COL2A1: variants seen among roughly 807,000 people sequenced by gnomAD.
COL2A1 encodes collagen alpha-1(II) chain.
COL2A1 carries 28 observed loss-of-function variants against 204.5 expected under a neutral mutation model. That is an observed-to-expected ratio of 0.14 (90% CI 0.10 to 0.19). The LOEUF (loss-of-function observed/expected upper bound fraction) is 0.19. COL2A1 is among the 10% of genes least tolerant of loss of function. The probability of loss-of-function intolerance (pLI) is 1.00; values close to 1 mark genes in which losing one functional copy is unlikely to be tolerated. For missense variants in COL2A1, 1,388 were observed against 2,027.5 expected, an observed-to-expected ratio of 0.68 and a Z score of 6.06; for synonymous variants, 708 against 718.7, an observed-to-expected ratio of 0.99 and a Z score of 0.24.
At chr12:47,984,755 G>T (rs1053680047) in intron 27 of COL2A1, among the ~76,000 whole-genome samples, 156 bp from the exon 28 acceptor site, 1 of 152,206 alleles carries the variant, frequency 6.6e-6, no homozygotes, top group African/African-American at 2.4e-5. Flanking sequence ...GGGCCATAAT[G>T]GCAACCAGCC....
Position 47,977,526 on chromosome 12 carries a change from AC to A in COL2A1, c.3165+73del. 6.2e-6 allele frequency: 10 copies of A among 1,600,100 alleles called. No individual in the cohort carries two copies. In the South Asian group the frequency reaches 1.1e-4, roughly 18 times the overall value. The stretch of plus-strand genomic sequence containing the variant: ...GAGATGAGACTTGTTCCAACCTGCC[AC>A]CCCCAGCTGACCTGTCAGGCCCGAG... On this transcript the variant is annotated intron_variant, in intron 45 of 53. Transcript: ENST00000380518.
intron 26 of COL2A1, 79 bp from the exon 27 acceptor site, chr12:47,985,172 T>C (rs780875581): frequency 1.7e-6 from 2 of 1,169,264 alleles, no homozygotes; most frequent in Non-Finnish European, 1.3e-6. Flanking sequence ...AGGGCCTACA[T>C]GGCAGGCCCA....
rs1241940269 is a variant in COL2A1 at position 47,975,516 on chromosome 12, T to A, written c.3687A>T (p.Arg1229Ser). 1.8e-5 allele frequency: 29 copies of A among 1,610,510 alleles called. No homozygotes were observed. Among genetic ancestry groups the A allele is most frequent in the Non-Finnish European group, 2.3e-5 (27 of 1,179,958 alleles). Reference sequence around the variant, plus strand: ...ACTGCAGGGGGTCGGGGCCCTTCTCTCTCGGGCCTAAGCCAGCAAAGGCGG... The same window carrying A: ...ACTGCAGGGGGTCGGGGCCCTTCTCACTCGGGCCTAAGCCAGCAAAGGCGG... The part of the protein sequence containing the change: ...DMSAFAGLGP[R>S]EKGPDPLQYM... The change falls in exon 51 of 54, where the codon AGA becomes AGT. Residue 1229 changes from arginine (R) to serine (S), a missense_variant. Physicochemically the swap from Arg to Ser is moderately radical, Grantham distance 110. Transcript: ENST00000380518.
chr12:48,004,516 C>A, upstream of COL2A1: 1 of 518,950 alleles, frequency 1.9e-6, no homozygotes, highest in South Asian at 2.4e-5. Flanking sequence ...TGCGCCCGGC[C>A]CCTTTCGAGG....
intron 37 of COL2A1, 86 bp downstream of exon 37, chr12:47,981,257 G>A: frequency 7.0e-7 from 1 of 1,427,598 alleles, no homozygotes. Flanking sequence ...GGGCCACCAG[G>A]CAGCATGAGG....
intron 16 of COL2A1, among the ~76,000 whole-genome samples, chr12:47,991,064 G>A (rs1939677939): frequency 6.6e-6 from 1 of 152,218 alleles, no homozygotes; most frequent in South Asian, 2.1e-4. Context: ...GCATTTAAGA[G>A]GAAAGCAAGA....
chr12:47,981,535 C>A, intron 36 of COL2A1, 139 bp from the exon 37 acceptor site: 1 of 897,630 alleles, frequency 1.1e-6, no homozygotes, highest in Non-Finnish European at 1.8e-6. Context: ...TACTGTGCAG[C>A]CCATACCCGC....
intron 11 of COL2A1, among the ~76,000 whole-genome samples, 189 bp from the exon 12 acceptor site, chr12:47,994,666 T>G (rs1032819996): frequency 6.6e-6 from 1 of 152,232 alleles, no homozygotes; most frequent in Admixed American, 6.5e-5. Context: ...TTTGGACACA[T>G]GCATAGCCCA....
At chr12:47,998,099 A>G (rs1424088043) in intron 4 of COL2A1, 35 bp from the exon 5 acceptor site, 1 of 1,614,210 alleles carries the variant, frequency 6.2e-7, no homozygotes, top group Non-Finnish European at 8.5e-7. Flanking sequence ...GGTAAGTTAG[A>G]GGAGAGCACA....
At position 47,973,384 on chromosome 12, in the gene COL2A1, G is replaced by T. The variant is rs1938529971; in HGVS notation, c.*23C>A. On this transcript the variant is annotated 3_prime_UTR_variant, in exon 54 of 54. Transcript: ENST00000380518. ...GGGTCCTTTGGGTTTGCAACGGATT[G>T]TGTTGTTTCTGGGTTCAGGTTTTTA... 1.9e-6 allele frequency: 3 copies of T among 1,614,136 alleles called. No individual in the cohort carries two copies. Among genetic ancestry groups the T allele is most frequent in the Non-Finnish European group, 2.5e-6 (3 of 1,180,024 alleles).
intron 18 of COL2A1, chr12:47,988,560 T>TC (rs1272024870): frequency 3.2e-5 from 5 of 157,732 alleles, no homozygotes; most frequent in Admixed American, 2.4e-4. Context: ...TTCACCCGGC[T>TC]CCGGGACCTC....
intron 29 of COL2A1, 78 bp from the exon 30 acceptor site, chr12:47,983,814 G>T: frequency 6.9e-7 from 1 of 1,456,160 alleles, no homozygotes; most frequent in South Asian, 1.2e-5. Context: ...GCCCAGGGGA[G>T]GTCAGCAGGG....
intron 50 of COL2A1, 89 bp from the exon 51 acceptor site, chr12:47,975,694 CCTCTTCCCA>C: frequency 7.0e-7 from 1 of 1,437,288 alleles, no homozygotes; most frequent in Non-Finnish European, 9.5e-7. Context: ...CTAGAGTGTC[CCTCTTCCCA>C]GCCCCATGGG....
Position 47,997,634 on chromosome 12 carries a change from C to A in COL2A1, c.503G>T (p.Gly168Val). 6.2e-7 allele frequency: 1 copy of A among 1,613,678 alleles called. No individual in the cohort carries two copies. Among genetic ancestry groups the A allele is most frequent in the Non-Finnish European group, 8.5e-7 (1 of 1,179,834 alleles). Residue 168 changes from glycine to valine, a missense_variant, in exon 7 of 54, where the codon GGC (glycine) becomes GTC (valine). Transcript: ENST00000380518. ...ACCAAGACCAGGGGGACCAGGGGGG[C>A]CGGGAGGACCAGGGGGGCCAGGATT... ...PGNPGPPGPPGPPGPPGLGGN... is the reference protein window; with the variant it reads ...PGNPGPPGPPVPPGPPGLGGN...
chr12:47,992,916 G>A lies in COL2A1; in HGVS notation c.985C>T (p.Pro329Ser). The change falls in exon 16 of 54, where the codon CCT becomes TCT. Residue 329 changes from proline (P) to serine (S), a missense_variant. Pro to Ser is a moderately conservative substitution (Grantham distance 74). Coordinates refer to ENST00000380518, the MANE Select transcript of COL2A1 (RefSeq NM_001844.5). ...GGGCCAGTCCGTCCTCTTTCACCAG[G>A]CAGGCCACGAGGACCCTGGAACACA... ...SPGPMGPRGL[P>S]GERGRTGPAG... 1.2e-6 allele frequency: 2 copies of A among 1,614,184 alleles called. No individual in the cohort carries two copies. Among genetic ancestry groups the A allele is most frequent in the Middle Eastern group, 3.3e-4 (2 of 6,062 alleles).
chr12:47,981,249 G>T, intron 37 of COL2A1, 94 bp downstream of exon 37: 1 of 1,380,264 alleles, frequency 7.2e-7, no homozygotes, highest in Non-Finnish European at 1.0e-6. Flanking sequence ...AGCACACAGG[G>T]CCACCAGGCA....
chr12:47,997,637 G>A lies in COL2A1; in HGVS notation c.500C>T (p.Pro167Leu). The part of the protein sequence containing the change: ...TPGNPGPPGP[P>L]GPPGPPGLGG... The stretch of plus-strand genomic sequence containing the variant: ...AAGACCAGGGGGACCAGGGGGGCCG[G>A]GAGGACCAGGGGGGCCAGGATTTCC... The change falls in exon 7 of 54, where the codon CCC (proline) becomes CTC (leucine). Residue 167 changes from proline to leucine, a missense_variant. Transcript: ENST00000380518. The A allele has an allele frequency of 6.2e-7, 1 of 1,613,676 alleles. No individual in the cohort carries two copies. Among genetic ancestry groups the A allele is most frequent in the South Asian group, 1.1e-5 (1 of 91,046 alleles).
At position 47,974,797 on chromosome 12, in the gene COL2A1, C is replaced by T. The variant is rs781229123; in HGVS notation, c.3952G>A (p.Glu1318Lys). ...GGGTAGACGCAAGTCTCGCCAGTCT[C>T]CATGTTGCAGAAAACCTTCATGGCG... Reference protein sequence around the residue: ...LDAMKVFCNMETGETCVYPNP... With the variant: ...LDAMKVFCNMKTGETCVYPNP... Residue 1318 changes from glutamate to lysine, a missense_variant, in exon 52 of 54, where the codon GAG becomes AAG. Transcript: ENST00000380518. 5.6e-5 allele frequency: 90 copies of T among 1,614,202 alleles called. 6 individuals carry two copies. The South Asian group carries it at 8.8e-4, about 16-fold the overall frequency.
chr12:47,993,711 G>T, intron 14 of COL2A1, 98 bp downstream of exon 14: 1 of 1,400,442 alleles, frequency 7.1e-7, no homozygotes, highest in Non-Finnish European at 1.0e-6. Flanking sequence ...GTTCTGAGGA[G>T]CTAGTTCCAC....
Sources: allele counts gnomAD v4.1 joint callset (sites outside exome capture counted in the v4.1 genomes callset), GRCh38; gene constraint gnomAD v4.1.1; transcripts MANE v1.5; gene names NCBI Gene and HGNC (gene_info 2026-07-23, HGNC 2026-07-21).